Variants in ZDHHC8 observed in about 807,000 individuals in gnomAD.
ZDHHC8 encodes palmitoyltransferase ZDHHC8.
In ZDHHC8, 24 loss-of-function variants were observed where a neutral mutation model predicts 61.2. The ratio of observed to expected loss-of-function variants is 0.39; its 90% CI spans 0.28 to 0.55. The LOEUF (loss-of-function observed/expected upper bound fraction) is 0.55, where lower values mean the gene tolerates loss of function less well. Among genes scored for constraint, ZDHHC8 ranks in the 20% least tolerant of loss-of-function variants. The pLI is 0.60. For synonymous variants in ZDHHC8, 523 were observed against 492.5 expected (o/e 1.06, Z -0.82); for missense variants, 935 against 1,102.1 (o/e 0.85, Z 2.15).
At chr22:20,132,316 T>C (rs1255751132) in intron 1 of ZDHHC8, among the ~76,000 whole-genome samples, 1 of 152,180 alleles carries the variant, frequency 6.6e-6, no homozygotes, top group African/African-American at 2.4e-5. Flanking sequence ...AGGCAGGCCC[T>C]GGCGGGGAGC....
intron 1 of ZDHHC8, 96 bp from the exon 2 acceptor site, chr22:20,139,098 G>A: frequency 6.6e-7 from 1 of 1,508,738 alleles, no homozygotes. Flanking sequence ...CTCTGAGGGT[G>A]ACCTTGCAGG....
At position 20,140,938 on chromosome 22, in the gene ZDHHC8, C is replaced by T. The variant is rs1291336588; in HGVS notation, c.820C>T (p.Leu274Phe). ...SLKPPFLRPE[L>F]LDRAAPLKVK... is the part of the protein sequence containing the mutation. ...GAAGCCGCCTTTCCTTAGGCCTGAA[C>T]TCCTGGACCGAGCTGCACCGCTCAA... The change falls in exon 7 of 11, where the codon CTC becomes TTC. Residue 274 changes from leucine to phenylalanine, a missense_variant. Physicochemically the swap from Leu to Phe is conservative, Grantham distance 22 (BLOSUM62 0). Coordinates refer to ENST00000334554, the MANE Select transcript of ZDHHC8 (RefSeq NM_013373.4). 6.2e-7 allele frequency: 1 copy of T among 1,609,698 alleles called. No individual in the cohort carries two copies. Among genetic ancestry groups the T allele is most frequent in the Non-Finnish European group, 8.5e-7 (1 of 1,179,994 alleles).
intron 5 of ZDHHC8, 154 bp downstream of exon 5, chr22:20,140,371 G>A: frequency 3.6e-6 from 3 of 839,174 alleles, no homozygotes; most frequent in South Asian, 1.7e-5. Context: ...GTGGGGCTAC[G>A]CCTGCCCCGT....
Position 20,146,730 on chromosome 22 carries a change from G to C in ZDHHC8, c.*1330G>C. 8.5e-7 allele frequency: 1 copy of C among 1,176,456 alleles called. No homozygotes were observed. Among genetic ancestry groups the C allele is most frequent in the East Asian group, 3.8e-5 (1 of 26,650 alleles). 72.9% of individuals were successfully genotyped at this position (1,176,456 alleles called of 1,614,324 possible). The stretch of plus-strand genomic sequence containing the variant: ...GTGTTTGGGGGAAAGACTTGGGTCT[G>C]CCGCTACCCACAGGGGACTCTCAGG... On this transcript the variant is annotated 3_prime_UTR_variant, in exon 11 of 11. Transcript: ENST00000334554.
At chr22:20,135,362 T>C (rs1035883876) in intron 1 of ZDHHC8, among the ~76,000 whole-genome samples, 2 of 152,154 alleles carry the variant, frequency 1.3e-5, no homozygotes, top group African/African-American at 2.4e-5. Flanking sequence ...TAGGCCAGGC[T>C]CCCGACCCTG....
In ZDHHC8 at chr22:20,143,335, G is replaced by A; in HGVS notation, c.1705G>A (p.Ala569Thr). The A allele has an allele frequency of 2.5e-6, 4 of 1,589,536 alleles. No homozygotes were observed. Among genetic ancestry groups the A allele is most frequent in the Non-Finnish European group, 2.6e-6 (3 of 1,171,224 alleles). The change falls in exon 10 of 11, where the codon GCC (alanine) becomes ACC (threonine). Residue 569 changes from alanine to threonine, a missense_variant. Physicochemically the swap from Ala to Thr is moderately conservative, Grantham distance 58. This residue lies in a region of ZDHHC8 where 692 missense variants were observed against 731.4 expected (regional missense o/e 0.95). Transcript: ENST00000334554. ...EERERLLRSQADSLFGDSGVY... is the reference protein window; with the variant it reads ...EERERLLRSQTDSLFGDSGVY... ...GCGTGAGCGCCTGCTGCGCTCCCAGGCCGACTCACTCTTCGGCGACTCAGG... is the reference window on the plus strand; with the variant it reads ...GCGTGAGCGCCTGCTGCGCTCCCAGACCGACTCACTCTTCGGCGACTCAGG...
rs749288503 is a variant in ZDHHC8 at position 20,140,634 on chromosome 22, C to T, written c.678C>T (p.Arg226=). ...TTNEQVTGKF[R]GGVNPFTRGC... ...ATCCACAGGTGACTGGGAAGTTCCGCGGGGGTGTGAACCCTTTCACCCGAG... is the reference window on the plus strand; with the variant it reads ...ATCCACAGGTGACTGGGAAGTTCCGTGGGGGTGTGAACCCTTTCACCCGAG... Residue 226 remains arginine (R), a synonymous_variant, in exon 6 of 11, where the codon CGC becomes CGT. Coordinates refer to ENST00000334554, the MANE Select transcript of ZDHHC8 (RefSeq NM_013373.4). 24 of 1,609,600 alleles carry T rather than the reference C, an allele frequency of 1.5e-5. No homozygotes were observed. The highest frequency in any genetic ancestry group is 2.7e-5 in the African/African-American group (2 of 74,922).
rs1468657101 is a variant in ZDHHC8 at position 20,147,270 on chromosome 22, C to G, written c.*1870C>G. 1 of 1,406,532 alleles carries G rather than the reference C, an allele frequency of 7.1e-7. No individual in the cohort carries two copies. The highest frequency in any genetic ancestry group is 2.9e-5 in the East Asian group (1 of 33,988). The allele number at this position is 1,406,532 out of a possible 1,614,324, so 87.1% of individuals were successfully genotyped here. Reference sequence around the variant, plus strand: ...AGGCGGCTCTGGGGCCCAGGACAGCCCAGCTGGGGACCCAGGAGGTCAGAC... The same window carrying G: ...AGGCGGCTCTGGGGCCCAGGACAGCGCAGCTGGGGACCCAGGAGGTCAGAC... On this transcript the variant is annotated 3_prime_UTR_variant, in exon 11 of 11. Coordinates refer to ENST00000334554, the MANE Select transcript of ZDHHC8 (RefSeq NM_013373.4).
Position 20,139,728 on chromosome 22 carries a change from C to T in ZDHHC8, c.393C>T (p.Asp131=). 6.2e-7 allele frequency: 1 copy of T among 1,612,442 alleles called. No homozygotes were observed. Among genetic ancestry groups the T allele is most frequent in the South Asian group, 1.1e-5 (1 of 91,082 alleles). The change falls in exon 4 of 11, where the codon GAC becomes GAT. Residue 131 remains aspartate (D), a synonymous_variant. Transcript: ENST00000334554. ...SVCDNCVEDF[D]HHCPWVNNCI... is the part of the protein sequence containing the mutation. ...GCACTGCTCCCGCCCAGGACTTTGA[C>T]CACCACTGCCCCTGGGTCAACAACT...
rs1166876829 is a variant in ZDHHC8, at chr22:20,142,975, C to T, written c.1345C>T (p.Gln449Ter). The change falls in exon 10 of 11, where the codon CAG becomes TAG. Residue 449 changes from glutamine (Q) to a stop codon, truncating the protein, a stop_gained. Coordinates refer to ENST00000334554, the MANE Select transcript of ZDHHC8 (RefSeq NM_013373.4). LOFTEE classifies it high-confidence loss of function. ...SRRGGDHVAL[Q>*]PLRSEGGPPT... ...GCGGGGCGGGGATCATGTGGCCCTG[C>T]AGCCCCTGCGCTCTGAGGGGGGGCC... 1 of 1,603,622 alleles carries T rather than the reference C, an allele frequency of 6.2e-7. No individual in the cohort carries two copies. The highest frequency in any genetic ancestry group is 8.5e-7 in the Non-Finnish European group (1 of 1,174,082).
chr22:20,132,762 ACTT>A (rs2050388280), intron 1 of ZDHHC8, among the ~76,000 whole-genome samples: 1 of 152,184 alleles, frequency 6.6e-6, no homozygotes, highest in Non-Finnish European at 1.5e-5. Flanking sequence ...TCCAGCCTCA[ACTT>A]CTTCACCCAA....
In ZDHHC8 at chr22:20,141,482, G is replaced by A. The variant is rs374104926; in HGVS notation, c.1077G>A (p.Pro359=). Residue 359 remains proline (P), a synonymous_variant, in exon 9 of 11, where the codon CCG becomes CCA. Transcript: ENST00000334554. The part of the protein sequence containing the change: ...PPTPAMYKFR[P]AFPTGPKVPF... ...CACCTGCCATGTACAAGTTTAGGCC[G>A]GCTTTCCCCACGGGTCCCAAGGTGC... 8.7e-6 allele frequency: 14 copies of A among 1,613,290 alleles called. No individual in the cohort carries two copies. Among genetic ancestry groups the A allele is most frequent in the East Asian group, 4.5e-5 (2 of 44,882 alleles).
At chr22:20,140,454 C>A in intron 5 of ZDHHC8, 163 bp from the exon 6 acceptor site, 1 of 842,660 alleles carries the variant, frequency 1.2e-6, no homozygotes, top group Non-Finnish European at 1.8e-6. Flanking sequence ...CCTGCAAGTT[C>A]AGGCTGGGTA....
At position 20,143,198 on chromosome 22, in the gene ZDHHC8, G is replaced by A. The variant is rs773000420; in HGVS notation, c.1568G>A (p.Arg523His). 2.2e-5 allele frequency: 36 copies of A among 1,608,936 alleles called. No individual in the cohort carries two copies. Among genetic ancestry groups the A allele is most frequent in the Non-Finnish European group, 2.7e-5 (32 of 1,179,470 alleles). ...ATGDPPRPLP[R>H]SFSPVLGPRP... is the part of the protein sequence containing the mutation. The stretch of plus-strand genomic sequence containing the variant: ...GGCGACCCGCCACGGCCCCTACCCC[G>A]CAGCTTCAGCCCCGTGCTGGGCCCC... Residue 523 changes from arginine to histidine, a missense_variant, in exon 10 of 11, where the codon CGC becomes CAC. Physicochemically the swap from Arg to His is conservative, Grantham distance 29. This residue lies in a region of ZDHHC8 where 692 missense variants were observed against 731.4 expected (regional missense o/e 0.95). Coordinates refer to ENST00000334554, the MANE Select transcript of ZDHHC8 (RefSeq NM_013373.4).
Position 20,143,681 on chromosome 22 carries a change from C to T in ZDHHC8, c.2051C>T (p.Ser684Phe). ...PSPPGTPHSP[S>F]YAGPKAVAFI... is the part of the protein sequence containing the mutation. ...CCGCCCGGCACTCCCCACTCACCAT[C>T]CTACGCGGGCCCCAAAGCTGTCGCC... Residue 684 changes from serine to phenylalanine, a missense_variant, in exon 10 of 11, where the codon TCC (serine) becomes TTC (phenylalanine). Coordinates refer to ENST00000334554, the MANE Select transcript of ZDHHC8 (RefSeq NM_013373.4). 1.2e-6 allele frequency: 2 copies of T among 1,610,084 alleles called. No homozygotes were observed. The highest frequency in any genetic ancestry group is 1.7e-6 in the Non-Finnish European group (2 of 1,179,520).
intron 7 of ZDHHC8, 33 bp from the exon 8 acceptor site, chr22:20,141,184 G>GC (rs1460216561): frequency 6.3e-7 from 1 of 1,599,320 alleles, no homozygotes; most frequent in African/African-American, 1.3e-5. Flanking sequence ...CCTCATCCAA[G>GC]CCCCACACAC....
chr22:20,145,311 C>A lies in ZDHHC8; in HGVS notation c.2209C>A (p.Pro737Thr), dbSNP rs1200096929. The change falls in exon 11 of 11, where the codon CCC (proline) becomes ACC (threonine). Residue 737 changes from proline (P) to threonine (T), a missense_variant. This residue lies in a region of ZDHHC8 where 692 missense variants were observed against 731.4 expected (regional missense o/e 0.95). Transcript: ENST00000334554. ...GLARLGPATGPPGPSASPTRH... is the reference protein window; with the variant it reads ...GLARLGPATGTPGPSASPTRH... ...GGCCCGGCTGGGACCTGCCACCGGC[C>A]CCCCAGGGCCCTCTGCCAGCCCTAC... 1 of 1,594,026 alleles carries A rather than the reference C, an allele frequency of 6.3e-7. No homozygotes were observed. The highest frequency in any genetic ancestry group is 8.5e-7 in the Non-Finnish European group (1 of 1,171,070).
Position 20,140,907 on chromosome 22 carries a change from G to A in ZDHHC8, c.789G>A (p.Val263=), listed in dbSNP as rs775948043. The A allele has an allele frequency of 6.2e-7, 1 of 1,606,472 alleles. No individual in the cohort carries two copies. Among genetic ancestry groups the A allele is most frequent in the Admixed American group, 1.7e-5 (1 of 60,028 alleles). ...AGCCACCCCGGCTGCCGCTCGCGGT[G>A]AGTTTGAAGCCGCCTTTCCTTAGGC... ...VVEPPRLPLA[V]SLKPPFLRPE... is the part of the protein sequence containing the mutation. Residue 263 remains valine (V), a synonymous_variant, in exon 7 of 11, where the codon GTG becomes GTA. Transcript: ENST00000334554.
intron 3 of ZDHHC8, 36 bp downstream of exon 3, chr22:20,139,671 G>C (rs2050450747): frequency 1.9e-6 from 3 of 1,611,086 alleles, no homozygotes; most frequent in Admixed American, 1.7e-5. Context: ...CCCCAGCCCT[G>C]TGCCACATCC....
Sources: gnomAD v4.1 joint callset for allele counts (sites outside exome capture counted in the v4.1 genomes callset) on GRCh38, gnomAD v4.1.1 for gene constraint, gnomAD v4.1.1 regional missense constraint, MANE v1.5 for transcripts, NCBI Gene and HGNC (gene_info 2026-07-23, HGNC 2026-07-21) for gene names.